The following LRFN5 variants were observed in gnomAD, a reference collection of about 807,000 sequenced individuals.
LRFN5 encodes leucine-rich repeat and fibronectin type-III domain-containing protein 5.
A neutral mutation model predicts 45.6 loss-of-function variants in LRFN5; 24 were observed. The ratio of observed to expected loss-of-function variants is 0.53; its 90% CI spans 0.38 to 0.74. The LOEUF is 0.74. LRFN5 is among the 30% of genes least tolerant of loss of function. The pLI is 0.00. For missense variants in LRFN5, 776 were observed against 861.5 expected, an observed-to-expected ratio of 0.90 and a Z score of 1.24; for synonymous variants, 340 against 313.8, an observed-to-expected ratio of 1.08 and a Z score of -0.88.
chr14:41,856,451 A>T (rs1172960656), intron 2 of LRFN5, among the ~76,000 whole-genome samples: 1 of 152,002 alleles, frequency 6.6e-6, no homozygotes, highest in African/African-American at 2.4e-5. Flanking sequence ...TAAATAGTGC[A>T]TGGCCGTTTC....
intron 2 of LRFN5, among the ~76,000 whole-genome samples, chr14:41,827,665 A>G (rs1416604958): frequency 1.3e-5 from 2 of 152,042 alleles, no homozygotes; most frequent in Admixed American, 1.3e-4. Context: ...AAAACCATAG[A>G]CCTGCTACTC....
chr14:41,809,801 GATTT>G (rs1343199750), intron 2 of LRFN5, among the ~76,000 whole-genome samples: 1 of 151,772 alleles, frequency 6.6e-6, no homozygotes, highest in African/African-American at 2.4e-5. Context: ...ACACATTTAT[GATTT>G]ATTTAGTGTA....
intron 2 of LRFN5, among the ~76,000 whole-genome samples, chr14:41,772,542 T>C (rs572365849): frequency 2.0e-5 from 3 of 151,750 alleles, no homozygotes; most frequent in East Asian, 3.9e-4. Context: ...CATGCTATCT[T>C]ATGCAGCATT....
At chr14:41,614,595 T>A (rs2138544231) in intron 1 of LRFN5, among the ~76,000 whole-genome samples, 1 of 152,134 alleles carries the variant, frequency 6.6e-6, no homozygotes, top group Admixed American at 6.6e-5. Flanking sequence ...AGAGAAGAAA[T>A]TAAGAAATCA....
At chr14:41,711,341 T>C (rs1018460157) in intron 1 of LRFN5, among the ~76,000 whole-genome samples, 1 of 152,142 alleles carries the variant, frequency 6.6e-6, no homozygotes, top group Admixed American at 6.5e-5. Flanking sequence ...TTTTGTTTGA[T>C]GGGTACATGG....
At chr14:41,614,395 A>G (rs1887863979) in intron 1 of LRFN5, among the ~76,000 whole-genome samples, 2 of 152,092 alleles carry the variant, frequency 1.3e-5, no homozygotes, top group African/African-American at 2.4e-5. Context: ...TTATGTTAGG[A>G]TATTTGCCAT....
intron 1 of LRFN5, among the ~76,000 whole-genome samples, chr14:41,730,719 A>T (rs1884136265): frequency 6.6e-6 from 1 of 151,802 alleles, no homozygotes; most frequent in Admixed American, 6.6e-5. Flanking sequence ...TCAGTCCTTT[A>T]ATTTGCCATT....
At chr14:41,901,162 T>A (rs1891090021) in intron 5 of LRFN5, among the ~76,000 whole-genome samples, 1 of 151,902 alleles carries the variant, frequency 6.6e-6, no homozygotes, top group Non-Finnish European at 1.5e-5. Context: ...AAAATTTTAA[T>A]CACACTAAAA....
intron 1 of LRFN5, among the ~76,000 whole-genome samples, chr14:41,612,682 A>T (rs905171452): frequency 5.3e-5 from 8 of 152,068 alleles, no homozygotes; most frequent in African/African-American, 1.9e-4. Context: ...TCAATCATTG[A>T]GGACTATTTA....
chr14:41,626,575 A>T (rs1034345227), intron 1 of LRFN5, among the ~76,000 whole-genome samples: 2 of 152,068 alleles, frequency 1.3e-5, no homozygotes, highest in Admixed American at 6.5e-5. Flanking sequence ...GATAAAGGAT[A>T]TGTCATTTGG....
chr14:41,724,818 T>C (rs17112218), intron 1 of LRFN5, among the ~76,000 whole-genome samples: 6,822 of 152,292 alleles, frequency 0.045, 342 homozygotes, highest in African/African-American at 0.12. Context: ...CATTCATCTT[T>C]GTCCCACAGC....
chr14:41,659,215 C>G (rs966778500), intron 1 of LRFN5, among the ~76,000 whole-genome samples: 2 of 151,954 alleles, frequency 1.3e-5, no homozygotes, highest in Non-Finnish European at 1.5e-5. Flanking sequence ...TCCCAACCCC[C>G]AACAGGCCCC....
intron 1 of LRFN5, among the ~76,000 whole-genome samples, chr14:41,687,548 T>G (rs1318150213): frequency 6.6e-6 from 1 of 152,200 alleles, no homozygotes; most frequent in Non-Finnish European, 1.5e-5. Context: ...ATGTGTTTAT[T>G]GCAGCATTAT....
At chr14:41,836,383 C>T (rs554983211) in intron 2 of LRFN5, among the ~76,000 whole-genome samples, 38 of 152,260 alleles carry the variant, frequency 2.5e-4, no homozygotes, top group Admixed American at 8.5e-4. Flanking sequence ...ATGAATTGCA[C>T]ATACTTGATA....
intron 1 of LRFN5, among the ~76,000 whole-genome samples, chr14:41,666,488 T>A (rs540396835): frequency 4.1e-4 from 62 of 152,246 alleles, no homozygotes; most frequent in African/African-American, 1.3e-3. Context: ...TGACTACTCC[T>A]GCTAAATGGC....
Position 41,891,154 on chromosome 14 carries a change from T to C in LRFN5, c.1386-96T>C. The C allele has an allele frequency of 2.2e-6, 2 of 900,372 alleles. 1 individual carries two copies. Among genetic ancestry groups the C allele is most frequent in the South Asian group, 2.9e-5 (2 of 69,514 alleles). 55.8% of individuals were successfully genotyped at this position (900,372 alleles called of 1,614,324 possible). A position where few individuals can be genotyped will look rare whatever the true frequency, so the allele number is the denominator to read the frequency against. On this transcript the variant is annotated intron_variant, in intron 3 of 5. Coordinates refer to ENST00000298119, the MANE Select transcript of LRFN5 (RefSeq NM_152447.5). ...ATTCATATGTTATAAATGTACTTAA[T>C]GATACTGAAATGACACTGAACTAAA...
At chr14:41,637,760 A>G (rs2138591119) in intron 1 of LRFN5, among the ~76,000 whole-genome samples, 1 of 152,222 alleles carries the variant, frequency 6.6e-6, no homozygotes, top group Non-Finnish European at 1.5e-5. Context: ...GAGCTTCTTG[A>G]TTTGCATTTT....
At position 41,607,138 on chromosome 14, in the gene LRFN5, A is replaced by G. The variant is rs980013983; in HGVS notation, c.-1621A>G. 1.3e-5 allele frequency among the ~76,000 whole-genome samples: 2 copies of G among 152,098 alleles called. No individual in the cohort carries two copies. Among genetic ancestry groups the G allele is most frequent in the Admixed American group, 1.3e-4 (2 of 15,274 alleles). On this transcript the variant is annotated 5_prime_UTR_variant, in exon 1 of 6. An upstream start codon of the reference 5' UTR is lost. Transcript: ENST00000298119. ...GAGCTGCCCGAACGGAGGACTATGT[A>G]TGTGTGTGCGCGTGTTTGCGTGTGT...
chr14:41,768,183 A>G (rs1885956023), intron 2 of LRFN5, among the ~76,000 whole-genome samples: 1 of 152,174 alleles, frequency 6.6e-6, no homozygotes, highest in South Asian at 2.1e-4. Context: ...TGTTATTAGA[A>G]GAACAGAAAA....
Sources: gnomAD v4.1 joint callset for allele counts (sites outside exome capture counted in the v4.1 genomes callset) on GRCh38, gnomAD v4.1.1 for gene constraint, MANE v1.5 for transcripts, NCBI Gene and HGNC (gene_info 2026-07-23, HGNC 2026-07-21) for gene names.